The following PPP1R9A variants were observed in gnomAD, a reference collection of about 807,000 sequenced individuals.
The protein encoded by PPP1R9A is neurabin-1.
PPP1R9A carries 59 observed loss-of-function variants against 141.9 expected under a neutral mutation model. The observed-to-expected ratio is 0.42, with a 90% CI of 0.34 to 0.52. The LOEUF is 0.52. Among genes scored for constraint, PPP1R9A ranks in the 20% least tolerant of loss-of-function variants. PPP1R9A has a pLI of 0.10. For synonymous variants in PPP1R9A, 500 were observed against 569.7 expected, an observed-to-expected ratio of 0.88 and a Z score of 1.74; for missense variants, 1,444 against 1,611.9, an observed-to-expected ratio of 0.90 and a Z score of 1.78.
intron 2 of PPP1R9A, among the ~76,000 whole-genome samples, chr7:94,930,979 C>T (rs997134904): frequency 5.3e-5 from 8 of 152,254 alleles, no homozygotes; most frequent in East Asian, 1.9e-4. Flanking sequence ...TTAGCGTATC[C>T]GTACAAAATA....
intron 2 of PPP1R9A, among the ~76,000 whole-genome samples, chr7:94,950,861 C>T (rs906153561): frequency 1.3e-5 from 2 of 152,124 alleles, no homozygotes; most frequent in African/African-American, 2.4e-5. Flanking sequence ...ATCTTTCCAC[C>T]TCAGCCTCCC....
At chr7:94,953,486 T>A (rs1387259696) in intron 2 of PPP1R9A, among the ~76,000 whole-genome samples, 1 of 152,166 alleles carries the variant, frequency 6.6e-6, no homozygotes, top group African/African-American at 2.4e-5. Flanking sequence ...TTTTTTCTAA[T>A]TCTGTGAAGA....
At chr7:95,062,400 A>G (rs2152083544) in intron 2 of PPP1R9A, among the ~76,000 whole-genome samples, 1 of 151,720 alleles carries the variant, frequency 6.6e-6, no homozygotes, top group Middle Eastern at 3.4e-3. Flanking sequence ...GAAGTAGTTC[A>G]GTTCCATAGA....
chr7:95,151,142 A>T (rs1033957055), intron 4 of PPP1R9A, among the ~76,000 whole-genome samples: 4 of 152,222 alleles, frequency 2.6e-5, no homozygotes, highest in African/African-American at 9.6e-5. Context: ...GATCTGACCC[A>T]GCTGAAAACT....
intron 2 of PPP1R9A, among the ~76,000 whole-genome samples, chr7:95,025,004 T>C (rs1806601626): frequency 6.6e-6 from 1 of 152,294 alleles, no homozygotes; most frequent in African/African-American, 2.4e-5. Flanking sequence ...TTTGCTTGTC[T>C]GTGAAGGATT....
At chr7:95,061,459 G>A (rs763445183) in intron 2 of PPP1R9A, among the ~76,000 whole-genome samples, 16 of 152,142 alleles carry the variant, frequency 1.1e-4, no homozygotes, top group Non-Finnish European at 1.8e-4. Flanking sequence ...TATGGCGCTG[G>A]ACGCGGTGGC....
chr7:95,001,753 C>T (rs1385802018), intron 2 of PPP1R9A, among the ~76,000 whole-genome samples: 1 of 152,134 alleles, frequency 6.6e-6, no homozygotes, highest in Non-Finnish European at 1.5e-5. Context: ...CTGGAGCCTA[C>T]ATTAGAAGTT....
At chr7:95,192,270 A>T (rs769784324) in intron 5 of PPP1R9A, among the ~76,000 whole-genome samples, 2 of 152,012 alleles carry the variant, frequency 1.3e-5, no homozygotes, top group African/African-American at 2.4e-5. Flanking sequence ...CCCAGCAAAG[A>T]TATTGTAACA....
intron 2 of PPP1R9A, among the ~76,000 whole-genome samples, chr7:94,983,149 G>T (rs867608353): frequency 8.5e-5 from 13 of 152,238 alleles, no homozygotes; most frequent in Middle Eastern, 3.4e-3. Context: ...TAGATGTGTG[G>T]TGTTATTTCT....
intron 2 of PPP1R9A, among the ~76,000 whole-genome samples, chr7:94,912,944 C>T (rs1791633400): frequency 6.6e-6 from 1 of 152,100 alleles, no homozygotes; most frequent in Non-Finnish European, 1.5e-5. Context: ...TTAAAGGTGC[C>T]TTTCCCCCAA....
At chr7:95,284,583 A>G (rs1804928562) in intron 17 of PPP1R9A, among the ~76,000 whole-genome samples, 1 of 152,210 alleles carries the variant, frequency 6.6e-6, no homozygotes, top group South Asian at 2.1e-4. Context: ...TTACTAAACT[A>G]TTTCACTGTG....
chr7:94,983,732 T>C (rs186049046), intron 2 of PPP1R9A, among the ~76,000 whole-genome samples: 229 of 152,314 alleles, frequency 1.5e-3, no homozygotes, highest in Non-Finnish European at 1.7e-3. Context: ...GATTTTGGGC[T>C]GAGATGATGG....
intron 5 of PPP1R9A, among the ~76,000 whole-genome samples, chr7:95,192,785 C>A (rs1043961273): frequency 6.6e-6 from 1 of 151,932 alleles, no homozygotes; most frequent in East Asian, 1.9e-4. Context: ...CATAGCATAC[C>A]CATACTCTGA....
At chr7:95,247,616 T>A in intron 9 of PPP1R9A, 90 bp downstream of exon 9, 3 of 1,111,442 alleles carry the variant, frequency 2.7e-6, no homozygotes, top group Non-Finnish European at 2.6e-6. Flanking sequence ...GTTTTGTCCC[T>A]GTATATTTGA....
chr7:95,190,312 A>G (rs1372542831), intron 5 of PPP1R9A, among the ~76,000 whole-genome samples: 5 of 152,164 alleles, frequency 3.3e-5, no homozygotes, highest in Admixed American at 2.6e-4. Flanking sequence ...TTAGACACCT[A>G]GCAGGGTTAC....
intron 2 of PPP1R9A, among the ~76,000 whole-genome samples, chr7:94,928,680 C>T (rs114876074): frequency 0.014 from 2,100 of 152,180 alleles, 36 homozygotes; most frequent in African/African-American, 0.048. Context: ...ATTTGTCTTT[C>T]TAAGTGTGTA....
chr7:94,925,799 G>A (rs1174297742), intron 2 of PPP1R9A, among the ~76,000 whole-genome samples: 5 of 151,682 alleles, frequency 3.3e-5, no homozygotes, highest in Admixed American at 3.3e-4. Flanking sequence ...CCCACCTGAA[G>A]GTCCAAGTTG....
chr7:95,270,006 T>G (rs1801918272), intron 14 of PPP1R9A, among the ~76,000 whole-genome samples: 2 of 152,186 alleles, frequency 1.3e-5, no homozygotes, highest in Admixed American at 1.3e-4. Context: ...GCAGATCTTC[T>G]AGAAGAGGGA....
At chr7:95,006,517 A>AT (rs1419713886) in intron 2 of PPP1R9A, among the ~76,000 whole-genome samples, 2 of 151,976 alleles carry the variant, frequency 1.3e-5, no homozygotes, top group Non-Finnish European at 2.9e-5. Flanking sequence ...GGCCAAGAAC[A>AT]TTTTTAATGC....
Sources: gnomAD v4.1 joint callset for allele counts (sites outside exome capture counted in the v4.1 genomes callset) on GRCh38, gnomAD v4.1.1 for gene constraint, MANE v1.5 for transcripts, NCBI Gene and HGNC (gene_info 2026-07-23, HGNC 2026-07-21) for gene names.